GRHL2: variants seen among roughly 807,000 people sequenced by gnomAD.
GRHL2 encodes the protein grainyhead like transcription factor 2.
A neutral mutation model predicts 83.8 loss-of-function variants in GRHL2; 21 were observed. The ratio of observed to expected loss-of-function variants is 0.25; its 90% confidence interval spans 0.18 to 0.36. GRHL2 has a LOEUF of 0.36. Among genes scored for constraint, GRHL2 ranks in the 10% least tolerant of loss-of-function variants. The pLI is 1.00. For missense variants in GRHL2, 623 were observed against 781.8 expected (o/e 0.80, Z 2.42); for synonymous variants, 280 against 278.9 (o/e 1.00, Z -0.04).
intron 1 of GRHL2, among the ~76,000 whole-genome samples, chr8:101,510,297 A>G (rs1035808922): frequency 2.0e-5 from 3 of 152,134 alleles, no homozygotes; most frequent in African/African-American, 4.8e-5. Context: ...GCAACTAGCC[A>G]TATTTTTAAT....
At chr8:101,619,976 T>C (rs1013351358) in intron 9 of GRHL2, among the ~76,000 whole-genome samples, 1 of 151,420 alleles carries the variant, frequency 6.6e-6, no homozygotes, top group Non-Finnish European at 1.5e-5. Flanking sequence ...CAAAAAACCA[T>C]AGACTGGATG....
chr8:101,638,013 T>TG (rs1412440721), intron 12 of GRHL2, among the ~76,000 whole-genome samples: 1 of 152,224 alleles, frequency 6.6e-6, no homozygotes, highest in Admixed American at 6.5e-5. Flanking sequence ...CCACATAAGT[T>TG]GCAGATTATA....
At chr8:101,583,987 A>G (rs1014010939) in intron 7 of GRHL2, among the ~76,000 whole-genome samples, 2 of 152,230 alleles carry the variant, frequency 1.3e-5, no homozygotes, top group African/African-American at 4.8e-5. Flanking sequence ...CAGAACGGGC[A>G]GTACAGGTTG....
rs550067036 is a variant in GRHL2 at position 101,492,960 on chromosome 8, G to A, written c.20+171G>A. 4.3e-6 allele frequency: 3 copies of A among 690,284 alleles called. No individual in the cohort carries two copies. The South Asian group carries it at 4.9e-5, about 11-fold the overall frequency. The allele number at this position is 690,284 out of a possible 1,614,324, so 42.8% of individuals were successfully genotyped here. On this transcript the variant is annotated intron_variant, in intron 1 of 15. Coordinates refer to ENST00000646743, the MANE Select transcript of GRHL2 (RefSeq NM_024915.4). ...CGCATTATGTTTCTACCCTGATTAAGGGGAGAAACCCTACAACAATGTGAA... is the reference window on the plus strand; with the variant it reads ...CGCATTATGTTTCTACCCTGATTAAAGGGAGAAACCCTACAACAATGTGAA...
At chr8:101,569,382 T>C (rs1246511360) in intron 4 of GRHL2, among the ~76,000 whole-genome samples, 1 of 152,176 alleles carries the variant, frequency 6.6e-6, no homozygotes, top group Admixed American at 6.5e-5. Context: ...GGGCACTGAA[T>C]AGGGTCAAAT....
At chr8:101,663,057 T>A (rs1813957244) in intron 14 of GRHL2, among the ~76,000 whole-genome samples, 1 of 152,218 alleles carries the variant, frequency 6.6e-6, no homozygotes, top group Admixed American at 6.5e-5. Context: ...ATGTTTGTTA[T>A]ACGCAGTTTT....
In GRHL2 at chr8:101,668,012, G is replaced by C. The variant is rs910555899; in HGVS notation, c.*1309G>C. ...TGTTTGCCTCACTCCTGGATGCTGCGTTTTAAGGAAGTGAGTGAGAAAGAA... is the reference window on the plus strand; with the variant it reads ...TGTTTGCCTCACTCCTGGATGCTGCCTTTTAAGGAAGTGAGTGAGAAAGAA... On this transcript the variant is annotated 3_prime_UTR_variant, in exon 16 of 16. Transcript: ENST00000646743. 1 of 152,576 alleles carries C rather than the reference G, an allele frequency of 6.6e-6. No individual in the cohort carries two copies. Among genetic ancestry groups the C allele is most frequent in the Non-Finnish European group, 1.5e-5 (1 of 68,078 alleles). The allele number at this position is 152,576 out of a possible 1,614,324, so 9.5% of individuals were successfully genotyped here.
intron 13 of GRHL2, among the ~76,000 whole-genome samples, chr8:101,646,782 C>G (rs915986382): frequency 1.1e-4 from 16 of 152,202 alleles, no homozygotes; most frequent in African/African-American, 3.6e-4. Flanking sequence ...GATGGTTGTT[C>G]TTGCGACTAT....
chr8:101,549,520 G>A (rs1811335264), intron 2 of GRHL2, among the ~76,000 whole-genome samples: 1 of 152,210 alleles, frequency 6.6e-6, no homozygotes, highest in South Asian at 2.1e-4. Flanking sequence ...CAGGGGCAGG[G>A]GATGGGTTTC....
intron 4 of GRHL2, among the ~76,000 whole-genome samples, chr8:101,559,486 T>C (rs936285150): frequency 2.6e-5 from 4 of 151,614 alleles, no homozygotes; most frequent in South Asian, 4.2e-4. Flanking sequence ...GCCGAGATCA[T>C]GCCACTGCAC....
At chr8:101,651,975 G>T (rs1813631320) in intron 14 of GRHL2, among the ~76,000 whole-genome samples, 1 of 152,202 alleles carries the variant, frequency 6.6e-6, no homozygotes, top group Non-Finnish European at 1.5e-5. Context: ...TGACAAAGCA[G>T]CCCCGGCAAC....
chr8:101,681,098 G>A, the GRHL2 span, among the ~76,000 whole-genome samples: 1 of 147,438 alleles, frequency 6.8e-6, no homozygotes, highest in African/African-American at 2.6e-5. Context: ...GAAGGAAATA[G>A]AGACACAAAA....
At chr8:101,593,633 G>A (rs929147784) in intron 7 of GRHL2, among the ~76,000 whole-genome samples, 5 of 152,084 alleles carry the variant, frequency 3.3e-5, no homozygotes, top group African/African-American at 4.8e-5. Flanking sequence ...AAAATGATAT[G>A]TCCTCGTCCT....
At chr8:101,647,548 G>A (rs902928277) in intron 13 of GRHL2, among the ~76,000 whole-genome samples, 3 of 151,860 alleles carry the variant, frequency 2.0e-5, no homozygotes, top group Admixed American at 1.3e-4. Context: ...TCCTTGTACC[G>A]CTAACATTGA....
At chr8:101,649,041 A>G (rs1111881) in intron 13 of GRHL2, among the ~76,000 whole-genome samples, 49,687 of 152,128 alleles carry the variant, frequency 0.33, 9,647 homozygotes, top group African/African-American at 0.54. Flanking sequence ...CCTAGCACAC[A>G]TAGCCTATGG....
chr8:101,680,378 A>G, the GRHL2 span, among the ~76,000 whole-genome samples: 8 of 148,066 alleles, frequency 5.4e-5, no homozygotes, highest in African/African-American at 2.0e-4. Flanking sequence ...AGAGCTAACT[A>G]TCCTAAATAT....
chr8:101,523,246 T>G (rs75183090), intron 1 of GRHL2, among the ~76,000 whole-genome samples: 1 of 144,548 alleles, frequency 6.9e-6, no homozygotes, highest in Non-Finnish European at 1.5e-5. Flanking sequence ...TGAAAGGGGA[T>G]TTTTTTTTTT....
intron 13 of GRHL2, among the ~76,000 whole-genome samples, chr8:101,647,420 T>G (rs550326131): frequency 1.3e-5 from 2 of 152,152 alleles, no homozygotes; most frequent in South Asian, 4.2e-4. Context: ...TTTTTTCCTG[T>G]TGGGGGCTGC....
At position 101,551,558 on chromosome 8, in the gene GRHL2, G is replaced by A. The variant is rs145155530; in HGVS notation, c.217-1157G>A. Among the ~76,000 whole-genome samples the A allele has an allele frequency of 6.0e-3, 905 of 151,996 alleles. 5 individuals carry two copies. Among genetic ancestry groups the A allele is most frequent in the Non-Finnish European group, 0.011 (722 of 68,000 alleles). ...ATGAATGTTCTTTCATCTCAAGAAAGCAAAGGCTGCTTTTTGGGTGCAAAG... is the reference window on the plus strand; with the variant it reads ...ATGAATGTTCTTTCATCTCAAGAAAACAAAGGCTGCTTTTTGGGTGCAAAG... On this transcript the variant is annotated intron_variant, in intron 2 of 15. Transcript: ENST00000646743.
Sources: gnomAD v4.1 joint callset for allele counts (sites outside exome capture counted in the v4.1 genomes callset) on GRCh38, gnomAD v4.1.1 for gene constraint, MANE v1.5 for transcripts, NCBI Gene and HGNC (gene_info 2026-07-23, HGNC 2026-07-21) for gene names.